PLEKHA7: variants seen among roughly 807,000 people sequenced by gnomAD.
PLEKHA7 encodes pleckstrin homology domain-containing family A member 7.
PLEKHA7 carries 104 observed loss-of-function variants against 170.0 expected under a neutral mutation model. The observed-to-expected ratio is 0.61, with a 90% CI of 0.52 to 0.72. PLEKHA7 has a LOEUF of 0.72. PLEKHA7 is among the 30% of genes least tolerant of loss of function. The pLI, the probability that PLEKHA7 is intolerant of heterozygous loss-of-function variation, is 0.00. For missense variants in PLEKHA7, 1,615 were observed against 1,671.7 expected, an observed-to-expected ratio of 0.97 and a Z score of 0.59; for synonymous variants, 648 against 660.8, an observed-to-expected ratio of 0.98 and a Z score of 0.30.
chr11:16,815,524 G>GC (rs1455621717), intron 12 of PLEKHA7, among the ~76,000 whole-genome samples: 1 of 152,118 alleles, frequency 6.6e-6, no homozygotes, highest in East Asian at 1.9e-4. Flanking sequence ...CCAGACTCAA[G>GC]CTTTTTTTTT....
chr11:16,966,090 G>A (rs1200414839), intron 3 of PLEKHA7, among the ~76,000 whole-genome samples: 1 of 152,174 alleles, frequency 6.6e-6, no homozygotes, highest in African/African-American at 2.4e-5. Context: ...GGCTGAGGCA[G>A]GAGAATCACT....
intron 3 of PLEKHA7, among the ~76,000 whole-genome samples, chr11:16,989,207 T>G (rs1174251239): frequency 6.6e-6 from 1 of 152,148 alleles, no homozygotes; most frequent in African/African-American, 2.4e-5. Flanking sequence ...GCCCTGGCCA[T>G]GTGGGAGCAA....
At chr11:16,801,546 A>G in intron 16 of PLEKHA7, 122 bp downstream of exon 16, 2 of 1,232,536 alleles carry the variant, frequency 1.6e-6, no homozygotes, top group Non-Finnish European at 2.3e-6. Flanking sequence ...GCTACTGGAG[A>G]AGCTCTGCTA....
At position 16,839,280 on chromosome 11, in the gene PLEKHA7, G is replaced by A. The variant is rs1224413722; in HGVS notation, c.872+2267C>T. Reference sequence around the variant, plus strand: ...TATATATTTCTATAAGTCCACATACGTATATAAATGCATAGAAAATAGTTT... The same window carrying A: ...TATATATTTCTATAAGTCCACATACATATATAAATGCATAGAAAATAGTTT... On this transcript the variant is annotated intron_variant, in intron 9 of 26. Coordinates refer to ENST00000531066, the MANE Select transcript of PLEKHA7 (RefSeq NM_001329630.2). 4.6e-5 allele frequency among the ~76,000 whole-genome samples: 7 copies of A among 151,962 alleles called. No individual in the cohort carries two copies. The East Asian group carries it at 5.8e-4, about 13-fold the overall frequency.
Position 16,979,090 on chromosome 11 carries a change from C to T in PLEKHA7, c.221+34899G>A, listed in dbSNP as rs190415223. ...TCTTGTTGTGCTGCCCAGGCTGGAG[C>T]GCAGTGGCACGATCTTGGCTCATTG... On this transcript the variant is annotated intron_variant, in intron 3 of 26. Transcript: ENST00000531066. Among the ~76,000 whole-genome samples the T allele has an allele frequency of 2.1e-3, 326 of 152,210 alleles. 2 individuals are homozygous for T. The highest frequency in any genetic ancestry group is 6.7e-3 in the African/African-American group (279 of 41,516).
At chr11:16,820,325 T>G (rs1415213949) in intron 10 of PLEKHA7, among the ~76,000 whole-genome samples, 1 of 152,250 alleles carries the variant, frequency 6.6e-6, no homozygotes, top group Admixed American at 6.5e-5. Context: ...ATGGGGATAG[T>G]AAGAACCACT....
At chr11:16,818,199 T>G (rs1388707792) in intron 10 of PLEKHA7, among the ~76,000 whole-genome samples, 1 of 152,258 alleles carries the variant, frequency 6.6e-6, no homozygotes, top group African/African-American at 2.4e-5. Flanking sequence ...TGACACTTGC[T>G]GGCTTTGTGA....
At chr11:16,951,282 A>C (rs1285160188) in intron 3 of PLEKHA7, among the ~76,000 whole-genome samples, 1 of 152,082 alleles carries the variant, frequency 6.6e-6, no homozygotes, top group African/African-American at 2.4e-5. Flanking sequence ...GAAGGTGTTC[A>C]GTTGACATTA....
intron 3 of PLEKHA7, among the ~76,000 whole-genome samples, chr11:16,973,122 A>G (rs1378836559): frequency 6.6e-6 from 1 of 152,144 alleles, no homozygotes; most frequent in Non-Finnish European, 1.5e-5. Flanking sequence ...AAAGCACCAT[A>G]TGACCCAAAA....
intron 26 of PLEKHA7, among the ~76,000 whole-genome samples, chr11:16,779,988 G>T (rs374566971): frequency 6.9e-5 from 10 of 144,494 alleles, no homozygotes; most frequent in South Asian, 6.7e-4. Flanking sequence ...GGAGGGGGGG[G>T]GGAATATCTT....
intron 3 of PLEKHA7, among the ~76,000 whole-genome samples, chr11:16,892,551 T>G (rs1203979433): frequency 1.3e-5 from 2 of 149,150 alleles, no homozygotes. Context: ...GCTCAAGTGA[T>G]CCTCCCACCT....
intron 3 of PLEKHA7, among the ~76,000 whole-genome samples, chr11:16,908,111 G>A (rs1471163080): frequency 1.3e-5 from 2 of 151,504 alleles, no homozygotes; most frequent in Non-Finnish European, 3.0e-5. Context: ...CAAGTACCCA[G>A]GGACACAAAC....
At chr11:16,782,080 C>T (rs1849063080) in intron 26 of PLEKHA7, among the ~76,000 whole-genome samples, 1 of 152,030 alleles carries the variant, frequency 6.6e-6, no homozygotes, top group African/African-American at 2.4e-5. Context: ...TACACAGACA[C>T]ACACACATAC....
At chr11:16,897,393 C>T (rs1481814351) in intron 3 of PLEKHA7, among the ~76,000 whole-genome samples, 2 of 152,086 alleles carry the variant, frequency 1.3e-5, no homozygotes, top group Non-Finnish European at 2.9e-5. Context: ...ATTTTTCCTT[C>T]CTATACCTCA....
At chr11:16,865,987 G>A (rs1004718679) in intron 4 of PLEKHA7, among the ~76,000 whole-genome samples, 11 of 151,642 alleles carry the variant, frequency 7.3e-5, no homozygotes, top group South Asian at 2.1e-4. Flanking sequence ...ACAGGTGTGC[G>A]CCACCACACC....
At chr11:16,870,862 T>C (rs1387587552) in intron 4 of PLEKHA7, among the ~76,000 whole-genome samples, 1 of 152,170 alleles carries the variant, frequency 6.6e-6, no homozygotes, top group African/African-American at 2.4e-5. Context: ...AAAGAGGCTC[T>C]GACAATACCC....
intron 9 of PLEKHA7, among the ~76,000 whole-genome samples, chr11:16,834,165 C>T (rs996027086): frequency 6.6e-6 from 1 of 151,938 alleles, no homozygotes; most frequent in African/African-American, 2.4e-5. Context: ...CATGTGCCAA[C>T]ATGCTAATTT....
intron 25 of PLEKHA7, 88 bp from the exon 26 acceptor site, chr11:16,782,984 C>T: frequency 7.1e-7 from 1 of 1,399,320 alleles, no homozygotes. Flanking sequence ...TAGAGGTTCT[C>T]AACATTTTGA....
At chr11:16,805,279 A>G (rs1467732505) in intron 13 of PLEKHA7, among the ~76,000 whole-genome samples, 1 of 152,214 alleles carries the variant, frequency 6.6e-6, no homozygotes, top group Non-Finnish European at 1.5e-5. Context: ...TTTATCCAGC[A>G]CCATCAGGAA....
Sources: gnomAD v4.1 joint callset for allele counts (sites outside exome capture counted in the v4.1 genomes callset) on GRCh38, gnomAD v4.1.1 for gene constraint, MANE v1.5 for transcripts, NCBI Gene and HGNC (gene_info 2026-07-23, HGNC 2026-07-21) for gene names.